Variants in PI4KA observed in about 807,000 individuals in gnomAD.
PI4KA encodes PI4-kinase alpha.
PI4KA carries 122 observed loss-of-function variants against 271.4 expected under a neutral mutation model. The observed-to-expected ratio is 0.45, with a 90% CI of 0.39 to 0.52. The LOEUF is 0.52. Ranked by LOEUF, PI4KA falls within the 20% of genes least tolerant of loss-of-function variation. PI4KA has a pLI of 0.00. For missense variants in PI4KA, 1,969 were observed against 2,769.1 expected (o/e 0.71, Z 6.48); for synonymous variants, 1,041 against 1,078.8 (o/e 0.96, Z 0.69).
At position 20,712,577 on chromosome 22, in the gene PI4KA, G is replaced by C. The variant is rs752439843; in HGVS notation, c.5711C>G (p.Ser1904Cys). ...TGTCTGGCGGCCCAGCTGGTCCCGG[G>C]AGGTGCAGTCGGGGATGCACTCGAT... Reference protein sequence around the residue: ...GVIECIPDCTSRDQLGRQTDF... With the variant: ...GVIECIPDCTCRDQLGRQTDF... The change falls in exon 50 of 55, where the codon TCC becomes TGC. Residue 1904 changes from serine (S) to cysteine (C), a missense_variant. Physicochemically the swap from Ser to Cys is moderately radical, Grantham distance 112 (BLOSUM62 -1). This residue lies in a region of PI4KA where 110 missense variants were observed against 349.8 expected (regional missense o/e 0.31). Coordinates refer to ENST00000255882, the MANE Select transcript of PI4KA (RefSeq NM_058004.4). The C allele has an allele frequency of 6.3e-7, 1 of 1,589,824 alleles. No homozygotes were observed. Among genetic ancestry groups the C allele is most frequent in the South Asian group, 1.1e-5 (1 of 88,424 alleles).
chr22:20,799,353 G>C, intron 15 of PI4KA, 77 bp from the exon 16 acceptor site: 2 of 1,292,414 alleles, frequency 1.5e-6, no homozygotes, highest in South Asian at 3.0e-5. Context: ...CAGAGACTAC[G>C]ATCTAGACCT....
At chr22:20,777,316 A>G in intron 19 of PI4KA, among the ~76,000 whole-genome samples, 1 of 151,654 alleles carries the variant, frequency 6.6e-6, no homozygotes, top group East Asian at 1.9e-4. Flanking sequence ...TCCTGAATTC[A>G]AACGAATCTC....
intron 22 of PI4KA, 187 bp downstream of exon 22, chr22:20,764,630 T>C: frequency 1.8e-6 from 1 of 548,816 alleles, no homozygotes. Flanking sequence ...GGTGTTACTA[T>C]ACGTGGTGTC....
At chr22:20,810,075 G>A (rs1935906925) in intron 9 of PI4KA, among the ~76,000 whole-genome samples, 1 of 152,122 alleles carries the variant, frequency 6.6e-6, no homozygotes, top group Admixed American at 6.6e-5. Flanking sequence ...TAATTAGCCT[G>A]GCAAATGACA....
At chr22:20,848,729 T>G (rs1180312549) in intron 1 of PI4KA, among the ~76,000 whole-genome samples, 4 of 151,828 alleles carry the variant, frequency 2.6e-5, no homozygotes, top group Non-Finnish European at 5.9e-5. Context: ...ACTATAAAAC[T>G]GCTAACAAAA....
rs1246039090 is a variant in PI4KA at position 20,849,775 on chromosome 22, A to G, written c.156+8795T>C. 3.2e-4 allele frequency among the ~76,000 whole-genome samples: 48 copies of G among 152,124 alleles called. 1 individual carries two copies. Among genetic ancestry groups the G allele is most frequent in the Non-Finnish European group, 2.9e-5 (2 of 68,022 alleles). On this transcript the variant is annotated intron_variant, in intron 1 of 54. Transcript: ENST00000255882. ...AGTCTGAGGCAGAAGAATGGTGTGA[A>G]CCTGGGAGGCAGAGCTTGCAGTGAG...
chr22:20,822,946 C>T (rs1569074412), intron 4 of PI4KA, among the ~76,000 whole-genome samples: 1 of 152,170 alleles, frequency 6.6e-6, no homozygotes, highest in Non-Finnish European at 1.5e-5. Flanking sequence ...CCGAGTCTCA[C>T]TCTGTTATCC....
At position 20,716,127 on chromosome 22, in the gene PI4KA, T is replaced by G. The variant is rs1450861067; in HGVS notation, c.5318-1427A>C. 2.6e-5 allele frequency among the ~76,000 whole-genome samples: 4 copies of G among 152,254 alleles called. No individual in the cohort carries two copies. The East Asian group carries it at 7.8e-4, about 30-fold the overall frequency. On this transcript the variant is annotated intron_variant, in intron 45 of 54. Coordinates refer to ENST00000255882, the MANE Select transcript of PI4KA (RefSeq NM_058004.4). ...GCGCAGTGGCGCAATCTTGGCTTAC[T>G]GCAAGCTCTGCCTCCCGGGTTCACG...
At chr22:20,727,497 T>C in intron 40 of PI4KA, 100 bp from the exon 41 acceptor site, 1 of 1,133,036 alleles carries the variant, frequency 8.8e-7, no homozygotes, top group Non-Finnish European at 1.2e-6. Context: ...AGAAGTGATG[T>C]TTCTAAGCAT....
At chr22:20,855,075 C>T (rs576457844) in intron 1 of PI4KA, among the ~76,000 whole-genome samples, 1 of 151,478 alleles carries the variant, frequency 6.6e-6, no homozygotes, top group Admixed American at 6.6e-5. Context: ...TCGCTTGAAC[C>T]CGGGAGGTGG....
At chr22:20,783,869 C>T in intron 19 of PI4KA, 1 of 1,499,230 alleles carries the variant, frequency 6.7e-7, no homozygotes, top group East Asian at 2.3e-5. Context: ...GCTCTGCAGG[C>T]TATCTGAATG....
At chr22:20,778,958 G>C (rs930492022) in intron 19 of PI4KA, among the ~76,000 whole-genome samples, 2 of 152,186 alleles carry the variant, frequency 1.3e-5, no homozygotes, top group Non-Finnish European at 2.9e-5. Flanking sequence ...ACTAAACACT[G>C]TCTGGAGGTG....
chr22:20,858,663 G>A lies in PI4KA; in HGVS notation c.63C>T (p.Gly21=), dbSNP rs559668514. 119 of 1,478,910 alleles carry A rather than the reference G, an allele frequency of 8.0e-5. No individual in the cohort carries two copies. The highest frequency in any genetic ancestry group is 8.0e-5 in the Non-Finnish European group (90 of 1,121,078). The allele number at this position is 1,478,910 out of a possible 1,614,324, so 91.6% of individuals were successfully genotyped here. A position where few individuals can be genotyped will look rare whatever the true frequency, so the allele number is the denominator to read the frequency against. ...AGCCCCGCGAGGCGCTGGAGCCGGA[G>A]CCGGAGCAGCCGCCGCCGCCTCCGC... ...GGGGGGGGCS[G]SGSSASRGFY... Residue 21 remains glycine (G), a synonymous_variant, in exon 1 of 55, where the codon GGC becomes GGT. Transcript: ENST00000255882.
At chr22:20,740,126 T>C (rs1176040520) in intron 32 of PI4KA, among the ~76,000 whole-genome samples, 1 of 151,468 alleles carries the variant, frequency 6.6e-6, no homozygotes, top group Admixed American at 6.6e-5. Flanking sequence ...TGTTTCTTTT[T>C]CTTATTTTTA....
chr22:20,815,305 C>G (rs1393249269), intron 7 of PI4KA, among the ~76,000 whole-genome samples: 1 of 143,212 alleles, frequency 7.0e-6, no homozygotes, highest in South Asian at 2.3e-4. Flanking sequence ...TGCTTAAGCC[C>G]GGGAGGCTGA....
chr22:20,803,259 C>T lies in PI4KA; in HGVS notation c.1523G>A (p.Arg508Gln), dbSNP rs1446229105. ...TGGGGACGGGATGACCAGGAAGTCT[C>T]GCAAGGACGGTGTCACAGAGTGCAC... ...VVVHSVTPSL[R>Q]DFLVIPSPVL... Residue 508 changes from arginine (R) to glutamine (Q), a missense_variant, in exon 13 of 55, where the codon CGA becomes CAA. This residue lies in a region of PI4KA where 228 missense variants were observed against 261.6 expected (regional missense o/e 0.87). Coordinates refer to ENST00000255882, the MANE Select transcript of PI4KA (RefSeq NM_058004.4). 1.9e-6 allele frequency: 3 copies of T among 1,614,130 alleles called. No individual in the cohort carries two copies. Among genetic ancestry groups the T allele is most frequent in the African/African-American group, 1.3e-5 (1 of 75,042 alleles).
chr22:20,799,312 T>TC (rs768943298), intron 15 of PI4KA, 36 bp from the exon 16 acceptor site: 1 of 1,496,348 alleles, frequency 6.7e-7, no homozygotes, highest in East Asian at 2.3e-5. Context: ...CTAGCAACAG[T>TC]CCCTCCAGCA....
rs773127016 is a variant in PI4KA at position 20,712,515 on chromosome 22, C to T, written c.5773G>A (p.Gly1925Arg). ...GMYDYFTRQYGDESTLAFQQA... is the reference protein window; with the variant it reads ...GMYDYFTRQYRDESTLAFQQA... ...TGGAAGGCCAGAGTGGACTCATCCC[C>T]GTACTGGCGTGTGAAGTAGTCGTAC... The change falls in exon 50 of 55, where the codon GGG becomes AGG. Residue 1925 changes from glycine to arginine, a missense_variant. By Grantham distance (125) the Gly-to-Arg change is moderately radical. Transcript: ENST00000255882. 10 of 1,605,124 alleles carry T rather than the reference C, an allele frequency of 6.2e-6. No homozygotes were observed. The highest frequency in any genetic ancestry group is 7.6e-6 in the Non-Finnish European group (9 of 1,176,866).
rs779075943 is a variant in PI4KA at position 20,713,262 on chromosome 22, G to A, written c.5571+19C>T. ...GCAAGCCCAGTCCCCAAGCCTACTCGAGGCCTGACCCTGCTTACCTGCCGG... is the reference window on the plus strand; with the variant it reads ...GCAAGCCCAGTCCCCAAGCCTACTCAAGGCCTGACCCTGCTTACCTGCCGG... On this transcript the variant is annotated intron_variant, in intron 48 of 54. Coordinates refer to ENST00000255882, the MANE Select transcript of PI4KA (RefSeq NM_058004.4). 7.8e-6 allele frequency: 12 copies of A among 1,535,372 alleles called. No homozygotes were observed. The highest frequency in any genetic ancestry group is 2.4e-5 in the East Asian group (1 of 41,628).
Sources: gnomAD v4.1 joint callset for allele counts (sites outside exome capture counted in the v4.1 genomes callset) on GRCh38, gnomAD v4.1.1 for gene constraint, gnomAD v4.1.1 regional missense constraint, MANE v1.5 for transcripts, NCBI Gene and HGNC (gene_info 2026-07-23, HGNC 2026-07-21) for gene names.